TAF3: variants seen among roughly 807,000 people sequenced by gnomAD.
The protein encoded by TAF3 is transcription initiation factor TFIID subunit 3.
A neutral mutation model predicts 80.6 loss-of-function variants in TAF3; 7 were observed. The ratio of observed to expected loss-of-function variants is 0.09; its 90% CI spans 0.05 to 0.16. The LOEUF (loss-of-function observed/expected upper bound fraction) is 0.16. Among genes scored for constraint, TAF3 ranks in the 10% least tolerant of loss-of-function variants. The pLI is 1.00. For synonymous variants in TAF3, 444 were observed against 446.1 expected, an observed-to-expected ratio of 1.00 and a Z score of 0.06; for missense variants, 921 against 1,140.2, an observed-to-expected ratio of 0.81 and a Z score of 2.77.
At chr10:7,942,552 C>A (rs1816391472) in intron 2 of TAF3, among the ~76,000 whole-genome samples, 1 of 152,194 alleles carries the variant, frequency 6.6e-6, no homozygotes, top group South Asian at 2.1e-4. Flanking sequence ...ACAAAATCCG[C>A]TGGGTTTTCC....
chr10:7,893,927 G>A (rs1246951431), intron 2 of TAF3, among the ~76,000 whole-genome samples: 1 of 151,982 alleles, frequency 6.6e-6, no homozygotes, highest in African/African-American at 2.4e-5. Flanking sequence ...ACAGAAAGAG[G>A]CAGAACCAGT....
chr10:7,923,172 A>G (rs1233766057), intron 2 of TAF3, among the ~76,000 whole-genome samples: 2 of 152,100 alleles, frequency 1.3e-5, no homozygotes, highest in African/African-American at 2.4e-5. Flanking sequence ...GTTGGAGGCT[A>G]ACATTCTATA....
At chr10:7,940,168 G>T (rs781598649) in intron 2 of TAF3, among the ~76,000 whole-genome samples, 2 of 152,218 alleles carry the variant, frequency 1.3e-5, no homozygotes, top group African/African-American at 2.4e-5. Flanking sequence ...AGAATTTTGA[G>T]TGAAATAATT....
At chr10:7,850,350 C>G (rs920434283) in intron 2 of TAF3, among the ~76,000 whole-genome samples, 12 of 152,118 alleles carry the variant, frequency 7.9e-5, no homozygotes. Flanking sequence ...GAGGCAAAAG[C>G]TATATCATAC....
chr10:7,940,621 T>C (rs1837967087), intron 2 of TAF3, among the ~76,000 whole-genome samples: 1 of 152,162 alleles, frequency 6.6e-6, no homozygotes, highest in African/African-American at 2.4e-5. Context: ...TTTGAGACAG[T>C]TCTTGTAAAG....
At chr10:7,974,184 G>A (rs940322817) in intron 3 of TAF3, among the ~76,000 whole-genome samples, 2 of 148,796 alleles carry the variant, frequency 1.3e-5, no homozygotes, top group African/African-American at 5.0e-5. Flanking sequence ...ACACACACAC[G>A]AGACTTGAAT....
At chr10:7,855,549 C>T (rs1837070151) in intron 2 of TAF3, among the ~76,000 whole-genome samples, 1 of 152,148 alleles carries the variant, frequency 6.6e-6, no homozygotes, top group South Asian at 2.1e-4. Flanking sequence ...AGATAGGATA[C>T]CCAAAGATAT....
intron 2 of TAF3, among the ~76,000 whole-genome samples, chr10:7,946,397 A>C (rs1331469353): frequency 6.6e-6 from 1 of 152,186 alleles, no homozygotes; most frequent in African/African-American, 2.4e-5. Flanking sequence ...CAGTTTCATT[A>C]ATCAGTATTC....
intron 2 of TAF3, among the ~76,000 whole-genome samples, chr10:7,917,039 C>T (rs1311496290): frequency 1.3e-5 from 2 of 152,258 alleles, no homozygotes; most frequent in African/African-American, 4.8e-5. Flanking sequence ...ATTCATTCAG[C>T]GAATATTCAT....
rs766950049 is a variant in TAF3 at position 7,964,606 on chromosome 10, C to T, written c.1096C>T (p.Pro366Ser). ...TIQVKQIQTP[P>S]DAGKLNSENQ... ...CCAGGTAAAACAAATACAGACACCCCCTGATGCTGGGAAACTGAACAGTGA... is the reference window on the plus strand; with the variant it reads ...CCAGGTAAAACAAATACAGACACCCTCTGATGCTGGGAAACTGAACAGTGA... Residue 366 changes from proline to serine, a missense_variant, in exon 3 of 7, where the codon CCT (proline) becomes TCT (serine). Around this residue, in one of 6 missense-constraint regions of TAF3, gnomAD observed 743 missense variants for 821.0 expected, o/e 0.90. Coordinates refer to ENST00000344293, the MANE Select transcript of TAF3 (RefSeq NM_031923.4). This position sits in a 1 kb window ranked among gnomAD's most constrained non-coding sequence, Gnocchi z 4.1. 54 of 1,613,948 alleles carry T rather than the reference C, an allele frequency of 3.3e-5. No individual in the cohort carries two copies. The highest frequency in any genetic ancestry group is 3.5e-5 in the Non-Finnish European group (41 of 1,180,020).
At chr10:7,851,403 G>A (rs1837025475) in intron 2 of TAF3, among the ~76,000 whole-genome samples, 1 of 152,212 alleles carries the variant, frequency 6.6e-6, no homozygotes, top group Non-Finnish European at 1.5e-5. Context: ...GTTAGGAGAG[G>A]AGGGATCAAG....
chr10:7,832,024 C>T (rs1169649839), intron 2 of TAF3, among the ~76,000 whole-genome samples: 1 of 151,986 alleles, frequency 6.6e-6, no homozygotes, highest in Non-Finnish European at 1.5e-5. Context: ...CCTCAAATGC[C>T]TATCGTTTTT....
intron 2 of TAF3, among the ~76,000 whole-genome samples, chr10:7,858,051 C>T (rs913905257): frequency 7.3e-5 from 11 of 151,712 alleles, no homozygotes; most frequent in African/African-American, 2.7e-4. Context: ...TGAACGGCCT[C>T]AGTAGAATAT....
At chr10:8,002,132 TATC>T (rs1831950300) in intron 4 of TAF3, among the ~76,000 whole-genome samples, 1 of 152,218 alleles carries the variant, frequency 6.6e-6, no homozygotes, top group Non-Finnish European at 1.5e-5. Flanking sequence ...CTCTTCTTCC[TATC>T]ATCCTCTGTT....
At chr10:7,933,442 G>C (rs1343519394) in intron 2 of TAF3, among the ~76,000 whole-genome samples, 2 of 152,156 alleles carry the variant, frequency 1.3e-5, no homozygotes, top group African/African-American at 4.8e-5. Context: ...TGCAACCATT[G>C]GTGACACTTC....
At position 7,858,193 on chromosome 10, in the gene TAF3, A is replaced by G. The variant is rs142451882; in HGVS notation, c.409+33633A>G. On this transcript the variant is annotated intron_variant, in intron 2 of 6. Coordinates refer to ENST00000344293, the MANE Select transcript of TAF3 (RefSeq NM_031923.4). ...AAAATAACGATTGGCCTGGCTGTTA[A>G]GAATCACTGTCTTTTCCCAGAGAAT... Among the ~76,000 whole-genome samples, 395 of 152,334 alleles carry G rather than the reference A, an allele frequency of 2.6e-3. 1 individual carries two copies. Among genetic ancestry groups the G allele is most frequent in the Non-Finnish European group, 3.7e-3 (255 of 68,014 alleles).
At position 7,964,769 on chromosome 10, in the gene TAF3, T is replaced by G; in HGVS notation, c.1259T>G (p.Phe420Cys). Residue 420 changes from phenylalanine to cysteine, a missense_variant, in exon 3 of 7, where the codon TTT becomes TGT. Phe to Cys is a radical substitution (Grantham distance 205, BLOSUM62 -2). Coordinates refer to ENST00000344293, the MANE Select transcript of TAF3 (RefSeq NM_031923.4). The surrounding 1 kb of genome is among the most constrained non-coding windows in gnomAD (Gnocchi z 4.1). ...GGATCGGAATCTGAAGGAGACATTT[T>G]TACTAGCCCTAAGAGAATTTCAGGC... ...SSGSESEGDI[F>C]TSPKRISGPE... 6.2e-7 allele frequency: 1 copy of G among 1,614,164 alleles called. No homozygotes were observed. The highest frequency in any genetic ancestry group is 8.5e-7 in the Non-Finnish European group (1 of 1,180,022).
intron 2 of TAF3, among the ~76,000 whole-genome samples, chr10:7,842,323 C>T (rs1227486364): frequency 6.6e-6 from 1 of 151,758 alleles, no homozygotes; most frequent in Non-Finnish European, 1.5e-5. Flanking sequence ...CCACACTCAA[C>T]TAATTTTTTA....
At chr10:7,939,827 A>C (rs1342678381) in intron 2 of TAF3, among the ~76,000 whole-genome samples, 3 of 152,202 alleles carry the variant, frequency 2.0e-5, no homozygotes, top group South Asian at 4.1e-4. Flanking sequence ...AAAACTACAG[A>C]GTTAATTCAT....
Sources: gnomAD v4.1 joint callset for allele counts (sites outside exome capture counted in the v4.1 genomes callset) on GRCh38, gnomAD v4.1.1 for gene constraint, gnomAD v4.1.1 regional missense constraint, Gnocchi (gnomAD v3.1) non-coding constraint, MANE v1.5 for transcripts, NCBI Gene and HGNC (gene_info 2026-07-23, HGNC 2026-07-21) for gene names.